TJP2: variants seen among roughly 807,000 people sequenced by gnomAD.
TJP2 encodes the protein tight junction protein 2.
Under a neutral mutation model 133.1 loss-of-function variants are expected in TJP2, and 91 were observed. The ratio of observed to expected loss-of-function variants is 0.68; its 90% confidence interval spans 0.58 to 0.81. The LOEUF (loss-of-function observed/expected upper bound fraction) is 0.81, where lower values mean the gene tolerates loss of function less well. Among genes scored for constraint, TJP2 ranks in the 40% least tolerant of loss-of-function variants. The pLI, the probability that TJP2 is intolerant of heterozygous loss-of-function variation, is 0.00. For synonymous variants in TJP2, 592 were observed against 583.4 expected (o/e 1.01, Z -0.21); for missense variants, 1,541 against 1,565.6 (o/e 0.98, Z 0.26).
intron 22 of TJP2, 107 bp from the exon 23 acceptor site, chr9:69,254,102 G>A (rs1831532823): frequency 2.3e-6 from 3 of 1,304,794 alleles, no homozygotes; most frequent in South Asian, 1.2e-5. Context: ...TCAGAGGTAA[G>A]TGATCTGCTC....
rs1327714451 is a variant in TJP2, at chr9:69,125,585, A to G, written c.-131+3860A>G. Among the ~76,000 whole-genome samples the G allele has an allele frequency of 2.6e-5, 2 of 75,832 alleles. 1 individual carries two copies. The highest frequency in any genetic ancestry group is 6.0e-5 in the Non-Finnish European group (2 of 33,236). 49.7% of individuals were successfully genotyped at this position (75,832 alleles called of 152,430 possible). ...CTTCCAAAGTGCTGAGATTACGGGC[A>G]TGAGCCATTGCACCTGGCTCACCTT... On this transcript the variant is annotated intron_variant, in intron 1 of 5. Transcript: ENST00000423935.
At chr9:69,234,094 G>A (rs1194456440) in intron 11 of TJP2, among the ~76,000 whole-genome samples, 1 of 152,166 alleles carries the variant, frequency 6.6e-6, no homozygotes. Context: ...GGCCACCTCT[G>A]TGAGAGACTC....
intron 1 of TJP2, among the ~76,000 whole-genome samples, chr9:69,134,222 G>A (rs1346441038): frequency 6.6e-6 from 1 of 152,154 alleles, no homozygotes; most frequent in Non-Finnish European, 1.5e-5. Context: ...GTGTGGAGTT[G>A]GACTGGAACA....
At chr9:69,223,091 A>G (rs1390941789) in intron 5 of TJP2, among the ~76,000 whole-genome samples, 1 of 145,578 alleles carries the variant, frequency 6.9e-6, no homozygotes, top group African/African-American at 2.6e-5. Context: ...AAAAAAAAAA[A>G]GAAACCATGG....
chr9:69,223,248 G>A (rs949520063), intron 5 of TJP2, among the ~76,000 whole-genome samples: 4 of 152,090 alleles, frequency 2.6e-5, no homozygotes, highest in Non-Finnish European at 4.4e-5. Flanking sequence ...ATTCTTTTAC[G>A]TAGTCCTCAC....
chr9:69,140,290 CTG>C (rs1442736738), intron 1 of TJP2, among the ~76,000 whole-genome samples: 2 of 152,162 alleles, frequency 1.3e-5, no homozygotes, highest in African/African-American at 4.8e-5. Context: ...CATGTAATAA[CTG>C]GTGTAATTTT....
upstream of TJP2, among the ~76,000 whole-genome samples, chr9:69,170,702 T>C (rs1824633746): frequency 6.6e-6 from 1 of 152,224 alleles, no homozygotes; most frequent in South Asian, 2.1e-4. Flanking sequence ...TCTCCCTCTT[T>C]CCTGAAGTTT....
chr9:69,199,907 G>A (rs760708235), intron 1 of TJP2, among the ~76,000 whole-genome samples: 13 of 152,174 alleles, frequency 8.5e-5, no homozygotes, highest in Non-Finnish European at 1.5e-4. Context: ...GTAAAATGGG[G>A]ATGGTGGTGC....
intron 1 of TJP2, among the ~76,000 whole-genome samples, chr9:69,180,996 G>A (rs1825455723): frequency 6.6e-6 from 1 of 152,126 alleles, no homozygotes; most frequent in South Asian, 2.1e-4. Flanking sequence ...ATTTGGGGCA[G>A]GCTTGTTGTA....
chr9:69,136,655 C>G (rs1185456215), intron 1 of TJP2, among the ~76,000 whole-genome samples: 1 of 152,120 alleles, frequency 6.6e-6, no homozygotes, highest in Non-Finnish European at 1.5e-5. Context: ...CATGTGCAAG[C>G]TCAGTGAATG....
intron 1 of TJP2, among the ~76,000 whole-genome samples, chr9:69,137,266 TTTCTTTTTCTTTCTTTCTTTCTTTCTTTC>T (rs1393415217): frequency 9.4e-5 from 9 of 95,670 alleles, no homozygotes; most frequent in African/African-American, 4.6e-4. Context: ...TCTTTCTTTC[TTTCTTTTTCTTTCTTTCTTTCTTTCTTTC>T]TTTCTTTTCT....
intron 1 of TJP2, among the ~76,000 whole-genome samples, chr9:69,148,081 C>A (rs1823295322): frequency 6.6e-6 from 1 of 151,890 alleles, no homozygotes. Context: ...TGCGCCACCA[C>A]GTCTGGCTAA....
chr9:69,241,864 C>G (rs1262315177), intron 17 of TJP2, among the ~76,000 whole-genome samples: 1 of 152,192 alleles, frequency 6.6e-6, no homozygotes, highest in African/African-American at 2.4e-5. Context: ...TGTTACAGCA[C>G]AGACATATTC....
chr9:69,150,646 C>T (rs1823428763), intron 1 of TJP2, among the ~76,000 whole-genome samples: 1 of 152,168 alleles, frequency 6.6e-6, no homozygotes, highest in South Asian at 2.1e-4. Flanking sequence ...ATTTGTTTAA[C>T]CTGAAAGGCG....
intron 13 of TJP2, among the ~76,000 whole-genome samples, chr9:69,236,634 T>C (rs953806761): frequency 1.3e-5 from 2 of 152,134 alleles, no homozygotes; most frequent in Non-Finnish European, 2.9e-5. Context: ...TGGCTGACAG[T>C]GCAGGAACCT....
chr9:69,249,685 A>G (rs1831191602), intron 20 of TJP2, 200 bp downstream of exon 20: 2 of 985,372 alleles, frequency 2.0e-6, no homozygotes, highest in South Asian at 9.4e-5. Flanking sequence ...AGGAAAGGCA[A>G]TATTAGGAGA....
chr9:69,223,998 T>C (rs1829121937), intron 5 of TJP2, among the ~76,000 whole-genome samples: 1 of 152,278 alleles, frequency 6.6e-6, no homozygotes, highest in African/African-American at 2.4e-5. Context: ...TCTGTTGTGG[T>C]AGTTTCCTAA....
intron 17 of TJP2, 37 bp from the exon 18 acceptor site, chr9:69,246,653 G>A (rs759887025): frequency 6.4e-7 from 1 of 1,562,662 alleles, no homozygotes; most frequent in South Asian, 1.1e-5. Flanking sequence ...CATGCCTCTG[G>A]AAATTAATGC....
intron 1 of TJP2, among the ~76,000 whole-genome samples, chr9:69,174,909 G>GTT (rs35641843): frequency 2.9e-5 from 4 of 139,254 alleles, no homozygotes; most frequent in Non-Finnish European, 4.6e-5. Context: ...AGTAAAAGTT[G>GTT]TTTTTTTTTT....
Sources: allele counts gnomAD v4.1 joint callset (sites outside exome capture counted in the v4.1 genomes callset), GRCh38; gene constraint gnomAD v4.1.1; transcripts MANE v1.5; gene names NCBI Gene and HGNC (gene_info 2026-07-23, HGNC 2026-07-21).